Variants in B3GALT1 observed in about 807,000 individuals in gnomAD.
The protein encoded by B3GALT1 is beta-1,3-galactosyltransferase 1, also known as UDP-Gal:betaGlcNAc beta 1,3-galactosyltransferase, polypeptide 1.
A neutral mutation model predicts 23.2 loss-of-function variants in B3GALT1; 10 were observed. The observed-to-expected ratio is 0.43, with a 90% CI of 0.27 to 0.73. B3GALT1 has a LOEUF of 0.73. B3GALT1 is among the 30% of genes least tolerant of loss of function. B3GALT1 has a pLI of 0.21. For missense variants in B3GALT1, 299 were observed against 405.4 expected, an observed-to-expected ratio of 0.74 and a Z score of 2.25; for synonymous variants, 156 against 141.5, an observed-to-expected ratio of 1.10 and a Z score of -0.73.
In B3GALT1 at chr2:167,821,456, G is replaced by A. The variant is rs1276264006; in HGVS notation, c.-230+2663G>A. 2.5e-3 allele frequency among the ~76,000 whole-genome samples: 298 copies of A among 119,844 alleles called. 6 individuals are homozygous for A. The highest frequency in any genetic ancestry group is 9.6e-3 in the African/African-American group (285 of 29,602). The allele number at this position is 119,844 out of a possible 152,430, so 78.6% of individuals were successfully genotyped here. A position where few individuals can be genotyped will look rare whatever the true frequency, so the allele number is the denominator to read the frequency against. On this transcript the variant is annotated intron_variant, in intron 4 of 4. Coordinates refer to ENST00000392690, the MANE Select transcript of B3GALT1 (RefSeq NM_020981.4). ...CTTTTTTTTTTTTTTTTTTTTTTGA[G>A]ACGGAGTTTCACTCGTGTCCCAGGC...
intron 1 of B3GALT1, among the ~76,000 whole-genome samples, chr2:167,371,228 G>A (rs775705817): frequency 2.0e-5 from 3 of 151,858 alleles, no homozygotes; most frequent in South Asian, 4.2e-4. Context: ...ATGCCTTGTC[G>A]TACATAGTAG....
At chr2:167,717,651 A>G (rs913798497) in intron 3 of B3GALT1, among the ~76,000 whole-genome samples, 1 of 152,210 alleles carries the variant, frequency 6.6e-6, no homozygotes, top group Non-Finnish European at 1.5e-5. Flanking sequence ...TTAGAAAAAC[A>G]TATCTTTACA....
chr2:167,454,196 A>AGTGTGTGTGTGTGTGTGTGTGT (rs35747652), intron 1 of B3GALT1, among the ~76,000 whole-genome samples: 22 of 152,056 alleles, frequency 1.4e-4, no homozygotes, highest in African/African-American at 4.8e-4. Context: ...ATAACAGGAA[A>AGTGTGTGTGTGTGTGTGTGTGT]GTGTGTGTGT....
chr2:167,611,801 CT>C (rs1418784087), intron 2 of B3GALT1, among the ~76,000 whole-genome samples: 1 of 151,822 alleles, frequency 6.6e-6, no homozygotes, highest in East Asian at 1.9e-4. Flanking sequence ...GACCACATTA[CT>C]TTTGGCCTTA....
chr2:167,495,635 G>T (rs1699773799), intron 2 of B3GALT1, among the ~76,000 whole-genome samples: 1 of 151,960 alleles, frequency 6.6e-6, no homozygotes, highest in African/African-American at 2.4e-5. Context: ...GCCCGGCTTT[G>T]CCAGCTTTCT....
chr2:167,743,998 A>G (rs2105278973), intron 3 of B3GALT1, among the ~76,000 whole-genome samples: 1 of 152,244 alleles, frequency 6.6e-6, no homozygotes, highest in Admixed American at 6.5e-5. Context: ...ATTTCCACTA[A>G]AAAGGTTTTG....
chr2:167,564,443 C>G (rs1262548817), intron 2 of B3GALT1, among the ~76,000 whole-genome samples: 3 of 151,156 alleles, frequency 2.0e-5, no homozygotes, highest in Non-Finnish European at 4.4e-5. Context: ...GAGACGCTCC[C>G]CACCTCCCAG....
At chr2:167,552,718 C>T (rs1683771096) in intron 2 of B3GALT1, among the ~76,000 whole-genome samples, 1 of 152,170 alleles carries the variant, frequency 6.6e-6, no homozygotes, top group Admixed American at 6.5e-5. Flanking sequence ...TAGATTCCTT[C>T]ATTCTGATGT....
At chr2:167,553,021 T>C (rs905813136) in intron 2 of B3GALT1, among the ~76,000 whole-genome samples, 1 of 152,186 alleles carries the variant, frequency 6.6e-6, no homozygotes, top group Non-Finnish European at 1.5e-5. Flanking sequence ...GGGGGTACTA[T>C]TTTATCCCTG....
intron 2 of B3GALT1, among the ~76,000 whole-genome samples, chr2:167,542,607 G>C (rs974877350): frequency 2.0e-5 from 3 of 152,102 alleles, no homozygotes; most frequent in Admixed American, 6.5e-5. Flanking sequence ...TATTTGGAAG[G>C]ACTCTGATCC....
At chr2:167,610,338 T>C (rs1311877880) in intron 2 of B3GALT1, among the ~76,000 whole-genome samples, 1 of 152,130 alleles carries the variant, frequency 6.6e-6, no homozygotes, top group Non-Finnish European at 1.5e-5. Context: ...TAATAGGTTG[T>C]AATAAGCCTT....
chr2:167,563,268 C>T (rs1213497175), intron 2 of B3GALT1, among the ~76,000 whole-genome samples: 7 of 145,952 alleles, frequency 4.8e-5, no homozygotes, highest in Non-Finnish European at 1.0e-4. Flanking sequence ...GGCGGCTGGC[C>T]GGGCAGAGGG....
intron 1 of B3GALT1, among the ~76,000 whole-genome samples, chr2:167,353,189 C>T (rs887892778): frequency 6.6e-6 from 1 of 152,120 alleles, no homozygotes; most frequent in Admixed American, 6.5e-5. Flanking sequence ...TATTTCCTGT[C>T]TCAACTGGAA....
At chr2:167,583,864 A>G (rs189940916) in intron 2 of B3GALT1, among the ~76,000 whole-genome samples, 32 of 152,328 alleles carry the variant, frequency 2.1e-4, no homozygotes, top group Non-Finnish European at 3.2e-4. Flanking sequence ...TGCAAGCTCC[A>G]CATCTAGAGT....
intron 3 of B3GALT1, among the ~76,000 whole-genome samples, chr2:167,689,622 AG>A (rs1686678346): frequency 6.6e-6 from 1 of 152,136 alleles, no homozygotes; most frequent in Admixed American, 6.6e-5. Flanking sequence ...TTGGAAGCAG[AG>A]GACTGGTGTG....
chr2:167,607,071 A>T (rs986207587), intron 2 of B3GALT1, among the ~76,000 whole-genome samples: 3 of 152,096 alleles, frequency 2.0e-5, no homozygotes, highest in Admixed American at 2.0e-4. Context: ...AGAACATGAA[A>T]CCCCAAAAAA....
At chr2:167,631,333 A>T (rs756332650) in intron 2 of B3GALT1, 1 of 151,920 alleles carries the variant, frequency 6.6e-6, no homozygotes, top group African/African-American at 2.4e-5. Flanking sequence ...AAAGTTTGCC[A>T]TACACACCTG....
chr2:167,804,968 G>T, intron 3 of B3GALT1, among the ~76,000 whole-genome samples: 1 of 152,024 alleles, frequency 6.6e-6, no homozygotes, highest in South Asian at 2.1e-4. Flanking sequence ...TCCTATTTCT[G>T]CACATCCTCT....
chr2:167,468,767 A>G (rs1699382656), intron 1 of B3GALT1, among the ~76,000 whole-genome samples: 1 of 152,168 alleles, frequency 6.6e-6, no homozygotes, highest in African/African-American at 2.4e-5. Context: ...GCTACTTGAC[A>G]GGCTGAGGCA....
Sources: gnomAD v4.1 joint callset for allele counts (sites outside exome capture counted in the v4.1 genomes callset) on GRCh38, gnomAD v4.1.1 for gene constraint, MANE v1.5 for transcripts, NCBI Gene and HGNC (gene_info 2026-07-23, HGNC 2026-07-21) for gene names.